NOX3: variants seen among roughly 807,000 people sequenced by gnomAD.
NOX3 encodes the protein NADPH oxidase catalytic subunit-like 3.
NOX3 carries 74 observed loss-of-function variants against 76.7 expected under a neutral mutation model. The observed-to-expected ratio is 0.96, with a 90% CI of 0.80 to 1.17. The LOEUF (loss-of-function observed/expected upper bound fraction) is 1.17. NOX3 is among the 50% of genes most tolerant of loss of function. NOX3 has a pLI of 0.00. For synonymous variants in NOX3, 263 were observed against 261.1 expected, an observed-to-expected ratio of 1.01 and a Z score of -0.07; for missense variants, 695 against 703.3, an observed-to-expected ratio of 0.99 and a Z score of 0.13.
chr6:155,442,236 CT>C (rs1384936761), intron 5 of NOX3, among the ~76,000 whole-genome samples: 18 of 152,092 alleles, frequency 1.2e-4, no homozygotes, highest in Non-Finnish European at 1.9e-4. Flanking sequence ...TGCACTCCAG[CT>C]CTGGCAACAG....
chr6:155,406,310 G>A (rs954346354), intron 12 of NOX3, among the ~76,000 whole-genome samples: 4 of 151,960 alleles, frequency 2.6e-5, no homozygotes, highest in African/African-American at 9.7e-5. Context: ...TTTTTCAATG[G>A]GGTGCGAAAG....
intron 4 of NOX3, among the ~76,000 whole-genome samples, chr6:155,448,383 G>A (rs1367112227): frequency 1.3e-5 from 2 of 152,058 alleles, no homozygotes; most frequent in Non-Finnish European, 1.5e-5. Flanking sequence ...TTAGCTATGC[G>A]GGGGAGCTCT....
chr6:155,406,986 A>G (rs1052983115), intron 12 of NOX3, 144 bp downstream of exon 12: 1 of 863,640 alleles, frequency 1.2e-6, no homozygotes, highest in African/African-American at 1.7e-5. Context: ...GGCCCCTGAA[A>G]TATACCATTG....
At chr6:155,450,375 G>T (rs1381988079) in intron 4 of NOX3, among the ~76,000 whole-genome samples, 1 of 152,180 alleles carries the variant, frequency 6.6e-6, no homozygotes, top group Non-Finnish European at 1.5e-5. Flanking sequence ...ACCCCAGACT[G>T]CTCATGACTC....
chr6:155,424,465 A>T (rs902813895), intron 9 of NOX3, among the ~76,000 whole-genome samples: 2 of 152,242 alleles, frequency 1.3e-5, no homozygotes, highest in African/African-American at 2.4e-5. Flanking sequence ...ATGAACAAAG[A>T]TATGCTAATT....
At chr6:155,396,237 T>G (rs79577223) in intron 13 of NOX3, among the ~76,000 whole-genome samples, 31 of 152,344 alleles carry the variant, frequency 2.0e-4, no homozygotes, top group African/African-American at 7.2e-4. Context: ...TTGTGAAAGA[T>G]AACCTCCATT....
intron 10 of NOX3, among the ~76,000 whole-genome samples, chr6:155,422,454 G>A (rs1266764746): frequency 6.6e-6 from 1 of 152,148 alleles, no homozygotes; most frequent in African/African-American, 2.4e-5. Context: ...GCAATTACAT[G>A]TCCTGTAATG....
chr6:155,445,690 C>A (rs1777050390), intron 4 of NOX3, among the ~76,000 whole-genome samples: 1 of 151,766 alleles, frequency 6.6e-6, no homozygotes, highest in African/African-American at 2.4e-5. Context: ...CCCTGATGAA[C>A]TTTGACTTCT....
At chr6:155,445,320 G>C (rs1421502528) in intron 4 of NOX3, among the ~76,000 whole-genome samples, 1 of 152,208 alleles carries the variant, frequency 6.6e-6, no homozygotes, top group Non-Finnish European at 1.5e-5. Flanking sequence ...AGTCTATACA[G>C]GTTGTGAGTG....
At chr6:155,422,658 A>C in intron 10 of NOX3, 36 bp downstream of exon 10, 2 of 1,603,278 alleles carry the variant, frequency 1.2e-6, no homozygotes, top group Non-Finnish European at 1.7e-6. Context: ...TGAACCTTTT[A>C]ATCCATGGAA....
intron 4 of NOX3, among the ~76,000 whole-genome samples, chr6:155,449,436 A>G (rs1403759719): frequency 1.3e-5 from 2 of 152,184 alleles, no homozygotes; most frequent in Non-Finnish European, 2.9e-5. Flanking sequence ...CATTAATAAG[A>G]ACGAAGAGGC....
At chr6:155,417,034 A>G (rs1482157348) in intron 10 of NOX3, among the ~76,000 whole-genome samples, 1 of 152,082 alleles carries the variant, frequency 6.6e-6, no homozygotes, top group African/African-American at 2.4e-5. Flanking sequence ...TGCAGGTGTG[A>G]GCCACCACAC....
intron 11 of NOX3, among the ~76,000 whole-genome samples, chr6:155,409,276 C>T (rs756688057): frequency 6.6e-6 from 1 of 152,064 alleles, no homozygotes; most frequent in Non-Finnish European, 1.5e-5. Context: ...CGAGCAAAGC[C>T]ATGGACGTGT....
chr6:155,446,028 C>T (rs1256914773), intron 4 of NOX3, among the ~76,000 whole-genome samples: 11 of 134,236 alleles, frequency 8.2e-5, no homozygotes, highest in Admixed American at 6.6e-4. Context: ...TTTCTTTAGC[C>T]TTTAAGTTGA....
chr6:155,412,353 A>C (rs1776562350), intron 10 of NOX3, among the ~76,000 whole-genome samples: 1 of 152,236 alleles, frequency 6.6e-6, no homozygotes, highest in South Asian at 2.1e-4. Context: ...AATGAGATTT[A>C]ATGAATAGAT....
intron 7 of NOX3, among the ~76,000 whole-genome samples, chr6:155,436,081 G>T (rs1776899620): frequency 6.6e-6 from 1 of 152,182 alleles, no homozygotes; most frequent in Non-Finnish European, 1.5e-5. Context: ...AAGTTATGCA[G>T]AGGACAGGTG....
intron 4 of NOX3, among the ~76,000 whole-genome samples, chr6:155,447,072 GTCTC>G (rs1777074320): frequency 6.7e-6 from 1 of 148,494 alleles, no homozygotes; most frequent in Admixed American, 6.7e-5. Context: ...TTGAGACAGA[GTCTC>G]CCTCTGTCAC....
rs368319693 is a variant in NOX3 at position 155,422,798 on chromosome 6, A to C, written c.1204T>G (p.Cys402Gly). The C allele has an allele frequency of 6.2e-7, 1 of 1,614,188 alleles. No homozygotes were observed. The highest frequency in any genetic ancestry group is 1.1e-5 in the South Asian group (1 of 91,078). Residue 402 changes from cysteine to glycine, a missense_variant, in exon 10 of 14, where the codon TGT becomes GGT. Cys to Gly is a radical substitution (Grantham distance 159). Transcript: ENST00000159060. ...CCGATCCCCGCGGCAACGCACACAC[A>C]CACTGGGTAGTGAAATACATCTGTC... ...ALTDVFHYPVCVCVAAGIGVT... is the reference protein window; with the variant it reads ...ALTDVFHYPVGVCVAAGIGVT...
At chr6:155,423,743 C>CTTT (rs528445827) in intron 9 of NOX3, among the ~76,000 whole-genome samples, 3 of 137,536 alleles carry the variant, frequency 2.2e-5, no homozygotes, top group East Asian at 2.1e-4. Context: ...TTTTCTTTTT[C>CTTT]TTTTTTTTTT....
Sources: allele counts gnomAD v4.1 joint callset (sites outside exome capture counted in the v4.1 genomes callset), GRCh38; gene constraint gnomAD v4.1.1; transcripts MANE v1.5; gene names NCBI Gene and HGNC (gene_info 2026-07-23, HGNC 2026-07-21).